The following MAST4 variants were observed in gnomAD, a reference collection of about 807,000 sequenced individuals.
MAST4 encodes microtubule-associated serine/threonine-protein kinase 4.
Under a neutral mutation model 162.7 loss-of-function variants are expected in MAST4, and 89 were observed. That is an observed-to-expected ratio of 0.55 (90% CI 0.46 to 0.65). The LOEUF is 0.65. Among genes scored for constraint, MAST4 ranks in the 30% least tolerant of loss-of-function variants. The pLI is 0.00. For synonymous variants in MAST4, 1,479 were observed against 1,361.1 expected, an observed-to-expected ratio of 1.09 and a Z score of -1.91; for missense variants, 3,153 against 3,374.0, an observed-to-expected ratio of 0.93 and a Z score of 1.62.
chr5:66,927,998 C>T lies in MAST4; in HGVS notation c.674+28016C>T, dbSNP rs116120964. 5.0e-3 allele frequency among the ~76,000 whole-genome samples: 767 copies of T among 152,256 alleles called. 8 individuals carry two copies. The highest frequency in any genetic ancestry group is 0.017 in the African/African-American group (720 of 41,530). The stretch of plus-strand genomic sequence containing the variant: ...TTACATGACATTTCTCTGGTCTGTA[C>T]GTCTATCCCTGTGTCAAAATTCCAC... On this transcript the variant is annotated intron_variant, in intron 4 of 28. Coordinates refer to ENST00000403625, the MANE Select transcript of MAST4 (RefSeq NM_001164664.2).
At chr5:67,105,432 G>A (rs570401447) in intron 10 of MAST4, among the ~76,000 whole-genome samples, 7 of 152,232 alleles carry the variant, frequency 4.6e-5, no homozygotes, top group East Asian at 1.9e-4. Context: ...TTTAGCTGGC[G>A]AGATAAGATC....
At chr5:66,951,118 A>G (rs1391213432) in intron 4 of MAST4, among the ~76,000 whole-genome samples, 1 of 152,232 alleles carries the variant, frequency 6.6e-6, no homozygotes, top group African/African-American at 2.4e-5. Context: ...GGCATTTAAA[A>G]ATTAGGCCTT....
intron 1 of MAST4, chr5:66,662,579 A>G (rs1746982293): frequency 6.6e-6 from 1 of 152,200 alleles, no homozygotes; most frequent in Non-Finnish European, 1.5e-5. Flanking sequence ...CCACAAACAC[A>G]GTTTGTTTTA....
intron 5 of MAST4, among the ~76,000 whole-genome samples, chr5:67,075,401 C>T (rs574268602): frequency 6.6e-6 from 1 of 152,052 alleles, no homozygotes; most frequent in African/African-American, 2.4e-5. Context: ...TCTTGAACCT[C>T]CTGGGCTCAA....
At chr5:66,831,085 A>C (rs1385312025) in intron 3 of MAST4, among the ~76,000 whole-genome samples, 3 of 152,214 alleles carry the variant, frequency 2.0e-5, no homozygotes, top group African/African-American at 7.2e-5. Flanking sequence ...TTTAAAGTTA[A>C]GGGTCATATA....
At chr5:66,795,841 A>AT (rs1014682075) in intron 3 of MAST4, among the ~76,000 whole-genome samples, 35 of 152,142 alleles carry the variant, frequency 2.3e-4, no homozygotes, top group African/African-American at 8.2e-4. Flanking sequence ...ACAGCTCAGA[A>AT]TTTTTTTTCA....
intron 4 of MAST4, among the ~76,000 whole-genome samples, chr5:66,996,286 AT>A (rs1252772424): frequency 2.5e-5 from 3 of 120,226 alleles, no homozygotes; most frequent in East Asian, 3.9e-4. Flanking sequence ...TCTCAAAAAA[AT>A]ATATATATAT....
At chr5:66,620,546 A>G (rs1361195350) in intron 1 of MAST4, among the ~76,000 whole-genome samples, 1 of 152,186 alleles carries the variant, frequency 6.6e-6, no homozygotes, top group Non-Finnish European at 1.5e-5. Flanking sequence ...GTAAAACAAA[A>G]CAATATGTGA....
chr5:67,143,999 C>T (rs1228732090), intron 21 of MAST4, among the ~76,000 whole-genome samples: 1 of 152,132 alleles, frequency 6.6e-6, no homozygotes, highest in Non-Finnish European at 1.5e-5. Flanking sequence ...CCCCATTTTA[C>T]CTTCTCTCTT....
intron 5 of MAST4, among the ~76,000 whole-genome samples, chr5:67,083,718 A>G (rs1486986250): frequency 1.3e-5 from 2 of 152,214 alleles, no homozygotes; most frequent in Non-Finnish European, 2.9e-5. Flanking sequence ...AGAATGAATC[A>G]AGTTTCATGA....
chr5:67,095,001 G>A (rs989676002), intron 6 of MAST4, among the ~76,000 whole-genome samples: 1 of 152,174 alleles, frequency 6.6e-6, no homozygotes, highest in South Asian at 2.1e-4. Flanking sequence ...GGTCATGTCC[G>A]AAGGCAGTAA....
At chr5:66,887,675 C>T (rs1332082694) in intron 3 of MAST4, among the ~76,000 whole-genome samples, 1 of 152,188 alleles carries the variant, frequency 6.6e-6, no homozygotes, top group East Asian at 1.9e-4. Context: ...AAATACTGAA[C>T]ATTCTTCCTA....
intron 1 of MAST4, among the ~76,000 whole-genome samples, chr5:66,699,889 G>T (rs906645373): frequency 1.9e-4 from 29 of 151,760 alleles, no homozygotes; most frequent in African/African-American, 6.8e-4. Context: ...TAACAAACGT[G>T]CATATTCTGC....
At chr5:66,631,737 A>G (rs928993057) in intron 1 of MAST4, among the ~76,000 whole-genome samples, 2 of 152,190 alleles carry the variant, frequency 1.3e-5, no homozygotes, top group African/African-American at 4.8e-5. Context: ...ATTTTGCATG[A>G]TTTAACATCT....
chr5:66,815,856 A>G (rs1236620894), intron 3 of MAST4, among the ~76,000 whole-genome samples: 2 of 152,160 alleles, frequency 1.3e-5, no homozygotes, highest in Non-Finnish European at 2.9e-5. Flanking sequence ...GCTGTCCCAG[A>G]GGAGAGTGGT....
At chr5:66,753,512 A>G (rs974186720) in intron 1 of MAST4, among the ~76,000 whole-genome samples, 1 of 151,908 alleles carries the variant, frequency 6.6e-6, no homozygotes, top group African/African-American at 2.4e-5. Context: ...ATCAGAGAAT[A>G]CTACAAACAC....
intron 1 of MAST4, among the ~76,000 whole-genome samples, chr5:66,688,726 T>C (rs11746471): frequency 0.28 from 42,955 of 151,968 alleles, 6,264 homozygotes; most frequent in South Asian, 0.35. Flanking sequence ...TGATTCCCAT[T>C]CTAGTTTCAG....
chr5:66,596,452 T>G lies in MAST4; in HGVS notation c.-204T>G. ...TGTCCCCGCGCGCGGGAGCCTCCGTTTGCGGCCGGGCCCGGGCGGCTGTGA... is the reference window on the plus strand; with the variant it reads ...TGTCCCCGCGCGCGGGAGCCTCCGTGTGCGGCCGGGCCCGGGCGGCTGTGA... On this transcript the variant is annotated 5_prime_UTR_variant, in exon 1 of 29. Coordinates refer to ENST00000403625, the MANE Select transcript of MAST4 (RefSeq NM_001164664.2). The G allele has an allele frequency of 1.8e-6, 1 of 544,774 alleles. No homozygotes were observed. Among genetic ancestry groups the G allele is most frequent in the Non-Finnish European group, 2.8e-6 (1 of 360,622 alleles). 33.7% of individuals were successfully genotyped at this position (544,774 alleles called of 1,614,324 possible). A position where few individuals can be genotyped will look rare whatever the true frequency, so the allele number is the denominator to read the frequency against.
chr5:67,091,977 A>T (rs575943751), intron 6 of MAST4, among the ~76,000 whole-genome samples: 1 of 152,298 alleles, frequency 6.6e-6, no homozygotes, highest in East Asian at 1.9e-4. Flanking sequence ...TTAAATTGTT[A>T]TTCAAGTAAA....
Sources: gnomAD v4.1 joint callset for allele counts (sites outside exome capture counted in the v4.1 genomes callset) on GRCh38, gnomAD v4.1.1 for gene constraint, MANE v1.5 for transcripts, NCBI Gene and HGNC (gene_info 2026-07-23, HGNC 2026-07-21) for gene names.